The following GRM7 variants were observed in gnomAD, a reference collection of about 807,000 sequenced individuals.
The protein encoded by GRM7 is metabotropic glutamate receptor 7.
Under a neutral mutation model 84.5 loss-of-function variants are expected in GRM7, and 35 were observed. That is an observed-to-expected ratio of 0.41 (90% CI 0.32 to 0.55). GRM7 has a LOEUF of 0.55. GRM7 is among the 20% of genes least tolerant of loss of function. The probability of loss-of-function intolerance (pLI) is 0.19; values close to 1 mark genes in which losing one functional copy is unlikely to be tolerated. For missense variants in GRM7, 1,003 were observed against 1,194.6 expected (o/e 0.84, Z 2.36); for synonymous variants, 487 against 455.1 (o/e 1.07, Z -0.89).
At chr3:7,452,956 G>C in intron 6 of GRM7, 149 bp downstream of exon 6, 1 of 599,764 alleles carries the variant, frequency 1.7e-6, no homozygotes, top group Non-Finnish European at 3.0e-6. Context: ...ATGCATGAAT[G>C]AGCAAATGAA....
chr3:7,164,619 T>A (rs1002258598), intron 2 of GRM7, among the ~76,000 whole-genome samples: 1 of 152,226 alleles, frequency 6.6e-6, no homozygotes, highest in African/African-American at 2.4e-5. Flanking sequence ...TTCTTTTCAC[T>A]GGTGCTGCCA....
At chr3:7,579,592 T>C (rs183226919) in intron 8 of GRM7, among the ~76,000 whole-genome samples, 96 of 152,306 alleles carry the variant, frequency 6.3e-4, no homozygotes, top group African/African-American at 2.2e-3. Context: ...AATTAAATTA[T>C]AGAATTATTA....
chr3:6,975,200 A>G (rs1482534725), intron 1 of GRM7, among the ~76,000 whole-genome samples: 3 of 152,182 alleles, frequency 2.0e-5, no homozygotes, highest in Non-Finnish European at 4.4e-5. Context: ...CTCAGTAAAA[A>G]TTCCCAATCG....
At chr3:7,061,220 G>A (rs994916165) in intron 1 of GRM7, among the ~76,000 whole-genome samples, 42 of 151,862 alleles carry the variant, frequency 2.8e-4, no homozygotes, top group Non-Finnish European at 1.6e-4. Context: ...TATATTGGTT[G>A]AATTGTTCTT....
chr3:7,291,302 A>G (rs1171215169), intron 2 of GRM7, among the ~76,000 whole-genome samples: 1 of 152,172 alleles, frequency 6.6e-6, no homozygotes, highest in African/African-American at 2.4e-5. Flanking sequence ...ATCAGAAAGT[A>G]GGTGGGTGCT....
At chr3:7,508,931 C>A (rs1340840066) in intron 7 of GRM7, among the ~76,000 whole-genome samples, 1 of 152,136 alleles carries the variant, frequency 6.6e-6, no homozygotes, top group Admixed American at 6.6e-5. Flanking sequence ...ACTCTCTGCT[C>A]CATATGACAG....
In GRM7 at chr3:7,030,505, G is replaced by A. The variant is rs1696149644; in HGVS notation, c.520-115947G>A. On this transcript the variant is annotated intron_variant, in intron 1 of 9. Transcript: ENST00000357716. The stretch of plus-strand genomic sequence containing the variant: ...GATTTCAATTATACCTGAATGAAGA[G>A]TTTTTAAAAATAGTAAACTGACACA... Among the ~76,000 whole-genome samples, 4 of 152,284 alleles carry A rather than the reference G, an allele frequency of 2.6e-5. No individual in the cohort carries two copies. In the South Asian group the frequency reaches 8.3e-4, roughly 32 times the overall value.
intron 1 of GRM7, among the ~76,000 whole-genome samples, chr3:7,114,205 C>T (rs1359936580): frequency 6.6e-6 from 1 of 152,138 alleles, no homozygotes; most frequent in Non-Finnish European, 1.5e-5. Context: ...TGAACAATAG[C>T]ACATACTTAC....
At chr3:6,946,256 C>G (rs951217912) in intron 1 of GRM7, among the ~76,000 whole-genome samples, 1 of 152,136 alleles carries the variant, frequency 6.6e-6, no homozygotes, top group African/African-American at 2.4e-5. Context: ...AGGAAGGGAT[C>G]CAGTTTCAGC....
chr3:7,005,077 G>T (rs190826527), intron 1 of GRM7, among the ~76,000 whole-genome samples: 51 of 152,312 alleles, frequency 3.3e-4, no homozygotes, highest in Admixed American at 9.8e-4. Flanking sequence ...AGGTCTGTAT[G>T]TGGCTGCTGG....
intron 1 of GRM7, among the ~76,000 whole-genome samples, chr3:7,058,163 C>A (rs1202047316): frequency 2.0e-5 from 3 of 151,860 alleles, no homozygotes. Context: ...GACCATATTA[C>A]ATTTTTTTTC....
chr3:7,112,373 T>C (rs142986751), intron 1 of GRM7, among the ~76,000 whole-genome samples: 467 of 152,018 alleles, frequency 3.1e-3, no homozygotes, highest in Middle Eastern at 0.01. Flanking sequence ...TACAGGCATG[T>C]GCTACCATGC....
chr3:7,294,582 A>T (rs955373590), intron 2 of GRM7, among the ~76,000 whole-genome samples: 9 of 150,172 alleles, frequency 6.0e-5, no homozygotes, highest in Admixed American at 2.0e-4. Flanking sequence ...AAAAAGAAAA[A>T]TGTTTGGCTA....
intron 1 of GRM7, among the ~76,000 whole-genome samples, chr3:6,998,512 G>C (rs1394131057): frequency 6.6e-6 from 1 of 152,214 alleles, no homozygotes; most frequent in Non-Finnish European, 1.5e-5. Flanking sequence ...AGTTCCACTA[G>C]GCAGTGCCCC....
At chr3:7,236,109 C>A (rs1231396899) in intron 2 of GRM7, among the ~76,000 whole-genome samples, 1 of 152,086 alleles carries the variant, frequency 6.6e-6, no homozygotes, top group Non-Finnish European at 1.5e-5. Context: ...TGGCTCCCTC[C>A]TCAAGTCCTT....
intron 1 of GRM7, among the ~76,000 whole-genome samples, chr3:6,980,592 G>T (rs1694162000): frequency 6.6e-6 from 1 of 152,134 alleles, no homozygotes; most frequent in Non-Finnish European, 1.5e-5. Context: ...GATATTTGTT[G>T]AATTAGTTTT....
chr3:7,347,058 A>G (rs1049733047), intron 4 of GRM7, among the ~76,000 whole-genome samples: 1 of 152,168 alleles, frequency 6.6e-6, no homozygotes, highest in African/African-American at 2.4e-5. Flanking sequence ...TCCACCAGGA[A>G]AAAAATGCCC....
intron 7 of GRM7, among the ~76,000 whole-genome samples, chr3:7,480,312 G>C (rs1178032752): frequency 6.6e-6 from 1 of 152,168 alleles, no homozygotes; most frequent in Non-Finnish European, 1.5e-5. Flanking sequence ...CAGATTTAGA[G>C]CAATGTCTTA....
chr3:7,383,166 A>T, intron 4 of GRM7, among the ~76,000 whole-genome samples: 1 of 152,176 alleles, frequency 6.6e-6, no homozygotes, highest in East Asian at 1.9e-4. Flanking sequence ...CTTCTTTTTC[A>T]TAGGTTCTCA....
Sources: allele counts gnomAD v4.1 joint callset (sites outside exome capture counted in the v4.1 genomes callset), GRCh38; gene constraint gnomAD v4.1.1; transcripts MANE v1.5; gene names NCBI Gene and HGNC (gene_info 2026-07-23, HGNC 2026-07-21).